The following IPPK variants were observed in gnomAD, a reference collection of about 807,000 sequenced individuals.
IPPK encodes the protein inositol-pentakisphosphate 2-kinase, also known as IPK1 homolog.
Under a neutral mutation model 64.6 loss-of-function variants are expected in IPPK, and 22 were observed. The observed-to-expected ratio is 0.34, with a 90% CI of 0.24 to 0.49. IPPK has a LOEUF of 0.49. Among genes scored for constraint, IPPK ranks in the 20% least tolerant of loss-of-function variants. The pLI is 0.99. For synonymous variants in IPPK, 262 were observed against 247.2 expected (o/e 1.06, Z -0.56); for missense variants, 532 against 630.7 (o/e 0.84, Z 1.68).
At chr9:92,616,119 T>TTCTC (rs1194460521) in intron 12 of IPPK, 62 bp from the exon 13 acceptor site, 1 of 1,139,610 alleles carries the variant, frequency 8.8e-7, no homozygotes, top group African/African-American at 1.5e-5. Context: ...CTCCCTCCCG[T>TTCTC]TCTCTCTCCC....
At chr9:92,664,912 G>A (rs1299775034) in intron 1 of IPPK, among the ~76,000 whole-genome samples, 1 of 152,190 alleles carries the variant, frequency 6.6e-6, no homozygotes, top group African/African-American at 2.4e-5. Context: ...AAAAGTGGCT[G>A]TGTGACCTCA....
chr9:92,656,550 G>T lies in IPPK; in HGVS notation c.131C>A (p.Thr44Asn). ...FLKFPPNRKKTSEEIFQHLQN... is the reference protein window; with the variant it reads ...FLKFPPNRKKNSEEIFQHLQN... ...CAGGTGTTGAAATATCTCTTCCGAG[G>T]TCTGTAAGAGACAACCACAGGACAG... The change falls in exon 3 of 13, where the codon ACC (threonine) becomes AAC (asparagine). Residue 44 changes from threonine to asparagine, a missense_variant and splice_region_variant. Thr to Asn is a moderately conservative substitution (Grantham distance 65, BLOSUM62 0). Coordinates refer to ENST00000287996, the MANE Select transcript of IPPK (RefSeq NM_022755.6). 6.2e-7 allele frequency: 1 copy of T among 1,601,926 alleles called. No homozygotes were observed. The highest frequency in any genetic ancestry group is 8.6e-7 in the Non-Finnish European group (1 of 1,168,978).
chr9:92,620,696 G>C (rs1229102056), intron 11 of IPPK, among the ~76,000 whole-genome samples: 1 of 152,196 alleles, frequency 6.6e-6, no homozygotes, highest in Non-Finnish European at 1.5e-5. Context: ...ATGGGAGGGA[G>C]TGGGGAGAAC....
chr9:92,619,437 A>G, intron 12 of IPPK, 49 bp downstream of exon 12: 1 of 1,457,922 alleles, frequency 6.9e-7, no homozygotes, highest in Non-Finnish European at 9.4e-7. Flanking sequence ...CCAACTGTCC[A>G]TAAAACCCCG....
intron 11 of IPPK, among the ~76,000 whole-genome samples, chr9:92,625,108 A>G (rs1483757023): frequency 6.6e-6 from 1 of 152,270 alleles, no homozygotes; most frequent in African/African-American, 2.4e-5. Flanking sequence ...TGGTGGTTCC[A>G]TAAGAATTTT....
At chr9:92,645,650 G>A (rs1852136899) in intron 6 of IPPK, among the ~76,000 whole-genome samples, 1 of 152,020 alleles carries the variant, frequency 6.6e-6, no homozygotes, top group African/African-American at 2.4e-5. Context: ...AAGATTAACA[G>A]CTGATTCCTC....
intron 11 of IPPK, among the ~76,000 whole-genome samples, chr9:92,630,695 A>G (rs1851823475): frequency 6.6e-6 from 1 of 152,146 alleles, no homozygotes; most frequent in Admixed American, 6.5e-5. Context: ...TACCAAGACA[A>G]ACAGAACAAT....
intron 11 of IPPK, among the ~76,000 whole-genome samples, chr9:92,629,739 C>T (rs1851800648): frequency 6.7e-6 from 1 of 150,088 alleles, no homozygotes; most frequent in Non-Finnish European, 1.5e-5. Context: ...GGCAAAGGAT[C>T]TGAATAGACA....
chr9:92,645,202 G>A (rs573623970), intron 6 of IPPK, among the ~76,000 whole-genome samples: 2 of 151,918 alleles, frequency 1.3e-5, no homozygotes, highest in Non-Finnish European at 2.9e-5. Context: ...ACCAGCCTGG[G>A]CAACATGGTA....
At chr9:92,642,186 C>T (rs985343521) in intron 7 of IPPK, among the ~76,000 whole-genome samples, 3 of 152,248 alleles carry the variant, frequency 2.0e-5, no homozygotes, top group South Asian at 2.1e-4. Flanking sequence ...CAGCCACTAC[C>T]GCCTTCCTGA....
At chr9:92,655,256 T>C (rs374456781) in intron 3 of IPPK, among the ~76,000 whole-genome samples, 121 of 152,330 alleles carry the variant, frequency 7.9e-4, no homozygotes, top group African/African-American at 1.6e-3. Flanking sequence ...TGTGTGGCCC[T>C]GCAGATGCAG....
chr9:92,662,739 C>T (rs138043298), intron 1 of IPPK, among the ~76,000 whole-genome samples: 1 of 152,094 alleles, frequency 6.6e-6, no homozygotes, highest in South Asian at 2.1e-4. Context: ...ACAGGAAGAA[C>T]AAGAGGAGTG....
chr9:92,633,010 C>CTTTT (rs796756965), intron 11 of IPPK, among the ~76,000 whole-genome samples: 2 of 144,398 alleles, frequency 1.4e-5, no homozygotes, highest in African/African-American at 2.5e-5. Context: ...CTCAGAATAA[C>CTTTT]TTTTTTTTTT....
At chr9:92,654,592 C>T (rs919072376) in intron 3 of IPPK, among the ~76,000 whole-genome samples, 3 of 152,204 alleles carry the variant, frequency 2.0e-5, no homozygotes, top group Admixed American at 1.3e-4. Flanking sequence ...GACCACGCCA[C>T]CATCCAATCA....
chr9:92,636,683 T>C (rs1202288057), intron 9 of IPPK, among the ~76,000 whole-genome samples: 1 of 152,062 alleles, frequency 6.6e-6, no homozygotes, highest in African/African-American at 2.4e-5. Context: ...TGTGATGATA[T>C]AGATACAGAT....
intron 6 of IPPK, 57 bp from the exon 7 acceptor site, chr9:92,642,867 C>G: frequency 7.7e-7 from 1 of 1,300,060 alleles, no homozygotes; most frequent in Non-Finnish European, 1.1e-6. Context: ...CTGCACTGTG[C>G]CAACTGAACA....
intron 9 of IPPK, among the ~76,000 whole-genome samples, chr9:92,637,309 A>G (rs1430204421): frequency 6.6e-6 from 1 of 152,222 alleles, no homozygotes; most frequent in Non-Finnish European, 1.5e-5. Context: ...CTGTCTTGAA[A>G]AAACAAAAGA....
chr9:92,660,130 C>T (rs1440141197), intron 1 of IPPK, among the ~76,000 whole-genome samples: 9 of 152,114 alleles, frequency 5.9e-5, no homozygotes, highest in African/African-American at 9.7e-5. Flanking sequence ...CCCAGAAGTT[C>T]GTTCCCCTAA....
In IPPK at chr9:92,664,743, G is replaced by A. The variant is rs546160262; in HGVS notation, c.81+5165C>T. 1.6e-4 allele frequency among the ~76,000 whole-genome samples: 25 copies of A among 152,356 alleles called. No homozygotes were observed. The East Asian group carries it at 4.8e-3, about 29-fold the overall frequency. On this transcript the variant is annotated intron_variant, in intron 1 of 12. Coordinates refer to ENST00000287996, the MANE Select transcript of IPPK (RefSeq NM_022755.6). ...CTCCCAACCGCTTGGCAACAAGGCA[G>A]GAGTGGCCGGGCCCTAGGCACAGCC...
Sources: gnomAD v4.1 joint callset for allele counts (sites outside exome capture counted in the v4.1 genomes callset) on GRCh38, gnomAD v4.1.1 for gene constraint, MANE v1.5 for transcripts, NCBI Gene and HGNC (gene_info 2026-07-23, HGNC 2026-07-21) for gene names.